CCNL1: variants seen among roughly 807,000 people sequenced by gnomAD.
CCNL1 encodes cyclin L1.
Under a neutral mutation model 60.6 loss-of-function variants are expected in CCNL1, and 13 were observed. The observed-to-expected ratio is 0.21, with a 90% CI of 0.14 to 0.34. The LOEUF is 0.34. Ranked by LOEUF, CCNL1 falls within the 10% of genes least tolerant of loss-of-function variation. CCNL1 has a pLI of 1.00. For synonymous variants in CCNL1, 270 were observed against 244.3 expected, an observed-to-expected ratio of 1.10 and a Z score of -0.98; for missense variants, 481 against 664.3, an observed-to-expected ratio of 0.72 and a Z score of 3.03.
intron 5 of CCNL1, 41 bp from the exon 6 acceptor site, chr3:157,150,422 C>T: frequency 1.3e-6 from 2 of 1,593,076 alleles, no homozygotes; most frequent in Non-Finnish European, 1.7e-6. Flanking sequence ...GTAAACAAAC[C>T]AGTTCTTCTG....
chr3:157,144,892 C>T (rs914077484), downstream of CCNL1, among the ~76,000 whole-genome samples: 6 of 152,150 alleles, frequency 3.9e-5, no homozygotes, highest in African/African-American at 1.4e-4. Flanking sequence ...TTTTTGGAAA[C>T]TCTCATGAAA....
In CCNL1 at chr3:157,159,742, A is replaced by C. The variant is rs939572210; in HGVS notation, c.303+50T>G. Reference sequence around the variant, plus strand: ...GTGATACTGAGATGCGGCGTAGGGGACGGAGGAGAGGAGAGGAGCGCCCGG... The same window carrying C: ...GTGATACTGAGATGCGGCGTAGGGGCCGGAGGAGAGGAGAGGAGCGCCCGG... On this transcript the variant is annotated intron_variant, in intron 1 of 10. Coordinates refer to ENST00000295926, the MANE Select transcript of CCNL1 (RefSeq NM_020307.4). 5 of 1,422,818 alleles carry C rather than the reference A, an allele frequency of 3.5e-6. No individual in the cohort carries two copies. In the African/African-American group the frequency reaches 4.3e-5, roughly 12 times the overall value. The allele number at this position is 1,422,818 out of a possible 1,614,324, so 88.1% of individuals were successfully genotyped here. A position where few individuals can be genotyped will look rare whatever the true frequency, so the allele number is the denominator to read the frequency against.
At chr3:157,151,279 A>T (rs1275793988) in intron 5 of CCNL1, 1 of 985,478 alleles carries the variant, frequency 1.0e-6, no homozygotes, top group Non-Finnish European at 1.2e-6. Context: ...AGAATATAAA[A>T]ATTACTTCAC....
At chr3:157,150,802 C>A (rs1227251138) in intron 5 of CCNL1, 1 of 989,436 alleles carries the variant, frequency 1.0e-6, no homozygotes, top group Non-Finnish European at 1.2e-6. Flanking sequence ...CAACCAAGTT[C>A]TTTTCAAAAG....
chr3:157,146,616 A>T (rs1332479905), downstream of CCNL1: 1 of 271,106 alleles, frequency 3.7e-6, no homozygotes, highest in South Asian at 2.3e-5. Context: ...CTCTAAAAAA[A>T]AAAAAAAAAA....
chr3:157,143,338 CTT>C (rs1737699710), downstream of CCNL1, among the ~76,000 whole-genome samples: 1 of 152,180 alleles, frequency 6.6e-6, no homozygotes, highest in African/African-American at 2.4e-5. Context: ...CTAGTCCTCT[CTT>C]TGTAACAGGT....
intron 8 of CCNL1, 94 bp downstream of exon 8, chr3:157,149,742 C>G (rs967945859): frequency 5.1e-5 from 77 of 1,509,132 alleles, no homozygotes; most frequent in Non-Finnish European, 6.8e-5. Flanking sequence ...TTCCTAACAT[C>G]ATTTTTCTCT....
At chr3:157,149,010 AAAG>A (rs1248014006) in intron 10 of CCNL1, 9 of 359,378 alleles carry the variant, frequency 2.5e-5, no homozygotes, top group South Asian at 1.4e-4. Context: ...AAAAAAAAAA[AAAG>A]AAGTTTTCAC....
At chr3:157,156,867 T>A in intron 3 of CCNL1, 1 of 1,217,282 alleles carries the variant, frequency 8.2e-7, no homozygotes, top group Non-Finnish European at 1.1e-6. Flanking sequence ...TTCTAATAAC[T>A]TGGACAGCAA....
chr3:157,157,201 C>A, intron 3 of CCNL1: 1 of 912,234 alleles, frequency 1.1e-6, no homozygotes, highest in African/African-American at 1.7e-5. Flanking sequence ...TAAAAAAAGG[C>A]TTCCATGCAA....
chr3:157,148,829 C>T, intron 10 of CCNL1: 1 of 471,166 alleles, frequency 2.1e-6, no homozygotes, highest in Non-Finnish European at 3.7e-6. Context: ...TTTATAGTGT[C>T]CTAGAGCTAT....
downstream of CCNL1, among the ~76,000 whole-genome samples, chr3:157,144,511 A>G (rs1251356014): frequency 6.6e-6 from 1 of 152,266 alleles, no homozygotes; most frequent in Non-Finnish European, 1.5e-5. Context: ...TGTTCCTTCC[A>G]TGTAATGGAA....
chr3:157,152,060 AAAC>A, intron 5 of CCNL1, 114 bp downstream of exon 5: 1 of 1,501,102 alleles, frequency 6.7e-7, no homozygotes, highest in Non-Finnish European at 8.8e-7. Context: ...CAAAACAAAA[AAAC>A]AACGAAAAGC....
chr3:157,155,276 T>TA (rs1577076177), intron 3 of CCNL1, among the ~76,000 whole-genome samples: 1 of 152,196 alleles, frequency 6.6e-6, no homozygotes, highest in East Asian at 1.9e-4. Flanking sequence ...CTATACCTCT[T>TA]AAGATAACCT....
chr3:157,148,580 A>G lies in CCNL1; in HGVS notation c.1242T>C (p.Asn414=). ...TGTATGTTCCAGATCGACTCCGCCT[A>G]TTATTATAGCTTAGATAATAAAAAT... ...RSHTPRRHYN[N]RRSRSGTYSS... Residue 414 remains asparagine (N), a synonymous_variant, in exon 11 of 11, where the codon AAT becomes AAC. Transcript: ENST00000295926. The G allele has an allele frequency of 6.2e-7, 1 of 1,604,710 alleles. No individual in the cohort carries two copies. The highest frequency in any genetic ancestry group is 8.5e-7 in the Non-Finnish European group (1 of 1,176,232).
chr3:157,143,290 C>A (rs916266852), downstream of CCNL1, among the ~76,000 whole-genome samples: 2 of 152,186 alleles, frequency 1.3e-5, no homozygotes, highest in Admixed American at 1.3e-4. Flanking sequence ...CAGTTTGCTA[C>A]CCCTAGGATG....
At position 157,150,048 on chromosome 3, in the gene CCNL1, G is replaced by C. The variant is rs898648177; in HGVS notation, c.879+17C>G. On this transcript the variant is annotated intron_variant, in intron 7 of 10. Coordinates refer to ENST00000295926, the MANE Select transcript of CCNL1 (RefSeq NM_020307.4). ...GGACTCTTAGCATGTTGGCACAAAC[G>C]AGTAAATAGAGAATACCTTTTTTCT... 2 of 1,606,878 alleles carry C rather than the reference G, an allele frequency of 1.2e-6. No homozygotes were observed. Among genetic ancestry groups the C allele is most frequent in the Non-Finnish European group, 1.7e-6 (2 of 1,177,554 alleles).
intron 3 of CCNL1, among the ~76,000 whole-genome samples, chr3:157,156,502 C>T (rs1454033195): frequency 1.3e-5 from 2 of 152,176 alleles, no homozygotes; most frequent in African/African-American, 4.8e-5. Flanking sequence ...AATCCCCCCT[C>T]TAAATTTAGC....
chr3:157,158,829 T>C (rs775367769), intron 3 of CCNL1, 37 bp downstream of exon 3: 2 of 1,295,680 alleles, frequency 1.5e-6, no homozygotes, highest in East Asian at 4.6e-5. Flanking sequence ...GGTACAGCAG[T>C]AGCAAGAGAT....
Sources: gnomAD v4.1 joint callset for allele counts (sites outside exome capture counted in the v4.1 genomes callset) on GRCh38, gnomAD v4.1.1 for gene constraint, MANE v1.5 for transcripts, NCBI Gene and HGNC (gene_info 2026-07-23, HGNC 2026-07-21) for gene names.